Variants in TCERG1 observed in about 807,000 individuals in gnomAD.
TCERG1 encodes transcription elongation regulator 1, also known as TATA box binding protein (TBP)-associated factor, RNA polymerase II, S, 150kD.
In TCERG1, 37 loss-of-function variants were observed where a neutral mutation model predicts 144.7. The ratio of observed to expected loss-of-function variants is 0.26; its 90% CI spans 0.20 to 0.34. The LOEUF is 0.34. Ranked by LOEUF, TCERG1 falls within the 10% of genes least tolerant of loss-of-function variation. The pLI is 1.00. For missense variants in TCERG1, 1,027 were observed against 1,380.7 expected, an observed-to-expected ratio of 0.74 and a Z score of 4.06; for synonymous variants, 492 against 458.2, an observed-to-expected ratio of 1.07 and a Z score of -0.94.
At chr5:146,457,857 T>A (rs1157309596) in intron 3 of TCERG1, among the ~76,000 whole-genome samples, 1 of 152,214 alleles carries the variant, frequency 6.6e-6, no homozygotes, top group Non-Finnish European at 1.5e-5. Context: ...TTGTTTTGTT[T>A]TTGTTTTTTG....
At chr5:146,466,103 T>C in intron 5 of TCERG1, among the ~76,000 whole-genome samples, 1 of 152,192 alleles carries the variant, frequency 6.6e-6, no homozygotes, top group Non-Finnish European at 1.5e-5. Context: ...TTGTTCACTT[T>C]TCTCATTTTC....
At position 146,463,741 on chromosome 5, in the gene TCERG1, A is replaced by C. The variant is rs763995374; in HGVS notation, c.1083A>C (p.Val361=). The part of the protein sequence containing the change: ...PTTAIPAFPP[V]MVPPFRVPLP... ...CAGCAATACCTGCTTTTCCACCAGT[A>C]ATGGTACCTCCGTTTCGTGTTCCCC... The change falls in exon 5 of 23, where the codon GTA becomes GTC. Residue 361 remains valine, a synonymous_variant. Transcript: ENST00000679501. 6.8e-6 allele frequency: 11 copies of C among 1,614,074 alleles called. No homozygotes were observed.
At position 146,459,235 on chromosome 5, in the gene TCERG1, A is replaced by G. The variant is rs1763132981; in HGVS notation, c.790A>G (p.Ser264Gly). 1 of 1,614,270 alleles carries G rather than the reference A, an allele frequency of 6.2e-7. No individual in the cohort carries two copies. Among genetic ancestry groups the G allele is most frequent in the Non-Finnish European group, 8.5e-7 (1 of 1,180,044 alleles). Reference protein sequence around the residue: ...QAVGASTPTTSSPAPAVSTST... With the variant: ...QAVGASTPTTGSPAPAVSTST... ...AGTTGGAGCTTCCACCCCTACGACC[A>G]GTAGCCCAGCACCTGCAGTATCCAC... The change falls in exon 4 of 23, where the codon AGT becomes GGT. Residue 264 changes from serine to glycine, a missense_variant. Ser to Gly is a moderately conservative substitution (Grantham distance 56). Coordinates refer to ENST00000679501, the MANE Select transcript of TCERG1 (RefSeq NM_001382548.1).
intron 1 of TCERG1, among the ~76,000 whole-genome samples, chr5:146,450,437 A>G (rs1045091917): frequency 3.9e-5 from 6 of 152,246 alleles, no homozygotes; most frequent in Non-Finnish European, 7.3e-5. Flanking sequence ...CAGGTTATAC[A>G]GGGCCTGATA....
At chr5:146,479,716 A>C (rs1765170202) in intron 10 of TCERG1, 139 bp from the exon 11 acceptor site, 1 of 760,412 alleles carries the variant, frequency 1.3e-6, no homozygotes, top group African/African-American at 1.8e-5. Flanking sequence ...GGAAGTGTAG[A>C]ATTATGCTTT....
At chr5:146,457,785 A>G (rs774831669) in intron 3 of TCERG1, among the ~76,000 whole-genome samples, 2 of 152,242 alleles carry the variant, frequency 1.3e-5, no homozygotes, top group African/African-American at 4.8e-5. Flanking sequence ...AAAACATAAC[A>G]TGGGTTTTCC....
chr5:146,510,850 T>C lies in TCERG1; in HGVS notation c.*208T>C, dbSNP rs1768403873. On this transcript the variant is annotated 3_prime_UTR_variant, in exon 23 of 23. Coordinates refer to ENST00000679501, the MANE Select transcript of TCERG1 (RefSeq NM_001382548.1). ...CATGACTGACATACATACTCAAATA[T>C]AGGCTGTCTCTAGTAAATCTTAAAA... is the stretch of plus-strand genomic sequence containing the variant. 2.4e-6 allele frequency: 1 copy of C among 415,784 alleles called. No homozygotes were observed. Among genetic ancestry groups the C allele is most frequent in the South Asian group, 6.4e-5 (1 of 15,684 alleles). The allele number at this position is 415,784 out of a possible 1,614,324, so 25.8% of individuals were successfully genotyped here.
At chr5:146,462,324 A>C (rs1415471484) in intron 4 of TCERG1, among the ~76,000 whole-genome samples, 1 of 152,220 alleles carries the variant, frequency 6.6e-6, no homozygotes, top group Non-Finnish European at 1.5e-5. Flanking sequence ...AGTCCGATAC[A>C]GGTAGACATT....
chr5:146,498,023 A>G (rs552982474), intron 16 of TCERG1, among the ~76,000 whole-genome samples: 65 of 152,252 alleles, frequency 4.3e-4, no homozygotes, highest in African/African-American at 1.5e-3. Context: ...CATTAAGACT[A>G]TGGTACTCTA....
chr5:146,490,372 TAGTA>T (rs776638549), intron 15 of TCERG1, among the ~76,000 whole-genome samples: 4 of 152,322 alleles, frequency 2.6e-5, no homozygotes, highest in Non-Finnish European at 5.9e-5. Context: ...GTTCCCTACA[TAGTA>T]AGTCTTTTCC....
At chr5:146,450,259 G>GT (rs1762238774) in intron 1 of TCERG1, among the ~76,000 whole-genome samples, 1 of 152,194 alleles carries the variant, frequency 6.6e-6, no homozygotes, top group Non-Finnish European at 1.5e-5. Flanking sequence ...TGGGAAAACA[G>GT]TTTGAGGTGA....
chr5:146,503,552 T>C lies in TCERG1; in HGVS notation c.2598+13T>C. ...AAAAATAGCCAAGGTAACTGTTGTG[T>C]TTACTTGTATTGCTTTCATTGAATA... On this transcript the variant is annotated intron_variant, in intron 18 of 22. Transcript: ENST00000679501. 6.2e-7 allele frequency: 1 copy of C among 1,612,444 alleles called. No individual in the cohort carries two copies. The highest frequency in any genetic ancestry group is 8.5e-7 in the Non-Finnish European group (1 of 1,179,020).
intron 9 of TCERG1, among the ~76,000 whole-genome samples, chr5:146,472,049 TTAC>T (rs986495069): frequency 1.3e-5 from 2 of 152,240 alleles, no homozygotes; most frequent in African/African-American, 4.8e-5. Context: ...TGAAGTTCAA[TTAC>T]TACAAGTGTC....
At chr5:146,508,023 T>A in intron 21 of TCERG1, 67 bp downstream of exon 21, 2 of 1,100,052 alleles carry the variant, frequency 1.8e-6, no homozygotes, top group Non-Finnish European at 2.6e-6. Context: ...CTAACAGCAC[T>A]ACTATCTTAA....
chr5:146,459,127 C>T lies in TCERG1; in HGVS notation c.682C>T (p.Gln228Ter). Residue 228 changes from glutamine to a stop codon, truncating the protein, a stop_gained, in exon 4 of 23, where the codon CAG becomes TAG. Coordinates refer to ENST00000679501, the MANE Select transcript of TCERG1 (RefSeq NM_001382548.1). LOFTEE classifies it high-confidence loss of function. ...QAQAQAQAQA[Q>*]AQAQAQAQAQ... is the part of the protein sequence containing the mutation. ...CCAGGCCCAAGCCCAAGCCCAGGCC[C>T]AGGCTCAGGCTCAGGCACAAGCTCA... The T allele has an allele frequency of 6.2e-7, 1 of 1,603,360 alleles. No individual in the cohort carries two copies. Among genetic ancestry groups the T allele is most frequent in the East Asian group, 2.2e-5 (1 of 44,742 alleles).
rs773717859 is a variant in TCERG1 at position 146,470,772 on chromosome 5, C to G, written c.1512+24C>G. 10 of 1,531,696 alleles carry G rather than the reference C, an allele frequency of 6.5e-6. No homozygotes were observed. In the East Asian group the frequency reaches 2.0e-4, roughly 31 times the overall value. The allele number at this position is 1,531,696 out of a possible 1,614,324, so 94.9% of individuals were successfully genotyped here. On this transcript the variant is annotated intron_variant, in intron 8 of 22. Transcript: ENST00000679501. The stretch of plus-strand genomic sequence containing the variant: ...AGGTAAAGGGCCATGACCTGTTAAC[C>G]TGGGAGCCACATTAATTGTTTCCTA...
At chr5:146,479,709 A>G in intron 10 of TCERG1, 146 bp from the exon 11 acceptor site, 1 of 682,298 alleles carries the variant, frequency 1.5e-6, no homozygotes, top group Non-Finnish European at 2.4e-6. Context: ...AAATAGAGGA[A>G]GTGTAGAATT....
chr5:146,449,318 A>C (rs1367988802), intron 1 of TCERG1, among the ~76,000 whole-genome samples: 1 of 152,232 alleles, frequency 6.6e-6, no homozygotes, highest in African/African-American at 2.4e-5. Flanking sequence ...TTGCTGACCT[A>C]GGTGCTGGTA....
intron 17 of TCERG1, chr5:146,499,907 A>G (rs1335554332): frequency 6.6e-6 from 1 of 152,172 alleles, no homozygotes; most frequent in African/African-American, 2.4e-5. Context: ...GCAAAGTGTT[A>G]TGGGATTCCC....
Sources: allele counts gnomAD v4.1 joint callset (sites outside exome capture counted in the v4.1 genomes callset), GRCh38; gene constraint gnomAD v4.1.1; transcripts MANE v1.5; gene names NCBI Gene and HGNC (gene_info 2026-07-23, HGNC 2026-07-21).